Variants in ZNF521 observed in about 807,000 individuals in gnomAD.
ZNF521 encodes LYST-interacting protein 3.
In ZNF521, 14 loss-of-function variants were observed where a neutral mutation model predicts 105.5. The ratio of observed to expected loss-of-function variants is 0.13; its 90% CI spans 0.09 to 0.21. ZNF521 has a LOEUF of 0.21. Ranked by LOEUF, ZNF521 falls within the 10% of genes least tolerant of loss-of-function variation. The pLI, the probability that ZNF521 is intolerant of heterozygous loss-of-function variation, is 1.00. For missense variants in ZNF521, 1,233 were observed against 1,629.7 expected (o/e 0.76, Z 4.19); for synonymous variants, 635 against 606.0 (o/e 1.05, Z -0.70).
intron 4 of ZNF521, among the ~76,000 whole-genome samples, chr18:25,221,308 T>A (rs1905711745): frequency 6.6e-6 from 1 of 152,242 alleles, no homozygotes; most frequent in Non-Finnish European, 1.5e-5. Context: ...CATCCATTTT[T>A]TGGATTGCAG....
intron 7 of ZNF521, among the ~76,000 whole-genome samples, chr18:25,067,082 A>G (rs2033081626): frequency 6.6e-6 from 1 of 152,184 alleles, no homozygotes; most frequent in Admixed American, 6.5e-5. Context: ...AGAGAGCCAT[A>G]TTCTACTCTG....
chr18:25,334,451 A>T (rs1201850388), intron 2 of ZNF521, among the ~76,000 whole-genome samples: 2 of 152,210 alleles, frequency 1.3e-5, no homozygotes, highest in Non-Finnish European at 2.9e-5. Flanking sequence ...GGATGGGCCC[A>T]GTGTATGTGA....
chr18:25,242,745 A>G (rs1907427491), intron 3 of ZNF521, among the ~76,000 whole-genome samples: 1 of 152,216 alleles, frequency 6.6e-6, no homozygotes, highest in Non-Finnish European at 1.5e-5. Context: ...TACTGTGAAT[A>G]CAAAGGACAT....
At chr18:25,212,254 G>C (rs1478680004) in intron 4 of ZNF521, among the ~76,000 whole-genome samples, 1 of 151,680 alleles carries the variant, frequency 6.6e-6, no homozygotes, top group African/African-American at 2.4e-5. Flanking sequence ...GCTCACGCCT[G>C]TAATCCTAGC....
intron 7 of ZNF521, among the ~76,000 whole-genome samples, chr18:25,083,923 C>T (rs899084116): frequency 7.1e-6 from 1 of 141,454 alleles, no homozygotes; most frequent in Non-Finnish European, 1.5e-5. Flanking sequence ...GGCACCTCAA[C>T]CTGGGTAATT....
intron 2 of ZNF521, among the ~76,000 whole-genome samples, chr18:25,343,791 T>C (rs760082771): frequency 6.6e-6 from 1 of 152,186 alleles, no homozygotes; most frequent in Non-Finnish European, 1.5e-5. Flanking sequence ...TTAAAAGAGA[T>C]GCTGCCCCAA....
In ZNF521 at chr18:25,203,513, A is replaced by G. The variant is rs550730933; in HGVS notation, c.3574-8269T>C. Among the ~76,000 whole-genome samples the G allele has an allele frequency of 2.5e-4, 38 of 152,240 alleles. 3 individuals carry two copies. The highest frequency in any genetic ancestry group is 8.2e-4 in the African/African-American group (34 of 41,538). On this transcript the variant is annotated intron_variant, in intron 4 of 7. Transcript: ENST00000361524. ...GTGCCTGTATTTCTAGCTACTTGGGAGACTGAGTCAGGAGAATCACTTGAG... is the reference window on the plus strand; with the variant it reads ...GTGCCTGTATTTCTAGCTACTTGGGGGACTGAGTCAGGAGAATCACTTGAG...
chr18:25,300,325 T>C (rs776887945), intron 3 of ZNF521, among the ~76,000 whole-genome samples: 8 of 152,220 alleles, frequency 5.3e-5, no homozygotes, highest in Non-Finnish European at 1.0e-4. Flanking sequence ...CTTATTGTTT[T>C]GTAGCTACTA....
At chr18:25,279,601 T>C (rs1027807498) in intron 3 of ZNF521, among the ~76,000 whole-genome samples, 3 of 152,222 alleles carry the variant, frequency 2.0e-5, no homozygotes, top group Admixed American at 6.5e-5. Flanking sequence ...AGGTTATATA[T>C]GGTTGTGATG....
rs369100505 is a variant in ZNF521 at position 25,126,389 on chromosome 18, C to T, written c.3659-34308G>A. On this transcript the variant is annotated intron_variant, in intron 5 of 7. Transcript: ENST00000361524. ...ATATCTACTCTGTGTTCTAGTTCCT[C>T]AAATGAATAGTTTATTCCACATAAA... Among the ~76,000 whole-genome samples the T allele has an allele frequency of 3.3e-4, 50 of 152,178 alleles. No homozygotes were observed. In the East Asian group the frequency reaches 5.8e-3, roughly 18 times the overall value.
At chr18:25,205,883 T>A (rs1017983588) in intron 4 of ZNF521, among the ~76,000 whole-genome samples, 14 of 152,312 alleles carry the variant, frequency 9.2e-5, no homozygotes, top group African/African-American at 3.1e-4. Flanking sequence ...ATTTAAAAAA[T>A]TCTCTTATAA....
intron 4 of ZNF521, among the ~76,000 whole-genome samples, chr18:25,207,474 G>A (rs2036103389): frequency 6.6e-6 from 1 of 152,158 alleles, no homozygotes; most frequent in Non-Finnish European, 1.5e-5. Context: ...CTGCCTTCTT[G>A]GAGGGTTTTC....
chr18:25,339,004 A>T (rs1217106506), intron 2 of ZNF521, among the ~76,000 whole-genome samples: 2 of 152,220 alleles, frequency 1.3e-5, no homozygotes, highest in Non-Finnish European at 2.9e-5. Context: ...AGGTAATGGA[A>T]AACTCAATGA....
At chr18:25,107,114 CCATTTCA>C (rs2034088557) in intron 5 of ZNF521, among the ~76,000 whole-genome samples, 1 of 152,178 alleles carries the variant, frequency 6.6e-6, no homozygotes, top group South Asian at 2.1e-4. Context: ...ACAAGCTGAG[CCATTTCA>C]CATAGGTTAT....
chr18:25,084,554 C>A (rs1466773402), intron 7 of ZNF521, among the ~76,000 whole-genome samples: 1 of 139,950 alleles, frequency 7.1e-6, no homozygotes. Flanking sequence ...TACTACTGCA[C>A]TTTGAATGTA....
chr18:25,322,578 A>T (rs976992300), intron 2 of ZNF521, among the ~76,000 whole-genome samples: 5 of 150,982 alleles, frequency 3.3e-5, no homozygotes, highest in African/African-American at 4.9e-5. Context: ...TTAAGAATGA[A>T]CTCTTTTTCT....
At chr18:25,250,372 T>A (rs1908028711) in intron 3 of ZNF521, among the ~76,000 whole-genome samples, 1 of 152,228 alleles carries the variant, frequency 6.6e-6, no homozygotes, top group African/African-American at 2.4e-5. Flanking sequence ...ACAAAAATTA[T>A]CATCAGCAAC....
intron 3 of ZNF521, among the ~76,000 whole-genome samples, chr18:25,316,038 C>T (rs145664986): frequency 3.0e-3 from 457 of 152,178 alleles, no homozygotes; most frequent in Middle Eastern, 0.014. Context: ...CTCAGGATTC[C>T]CTCTTTCTTT....
At chr18:25,271,625 C>T (rs973621961) in intron 3 of ZNF521, among the ~76,000 whole-genome samples, 2 of 152,166 alleles carry the variant, frequency 1.3e-5, no homozygotes, top group African/African-American at 4.8e-5. Flanking sequence ...ACATCTACAA[C>T]CATCTCATCT....
Sources: gnomAD v4.1 joint callset for allele counts (sites outside exome capture counted in the v4.1 genomes callset) on GRCh38, gnomAD v4.1.1 for gene constraint, MANE v1.5 for transcripts, NCBI Gene and HGNC (gene_info 2026-07-23, HGNC 2026-07-21) for gene names.